The following TXNL4A variants were observed in gnomAD, a reference collection of about 807,000 sequenced individuals.
TXNL4A encodes thioredoxin-like protein 4A.
TXNL4A carries 17 observed loss-of-function variants against 14.6 expected under a neutral mutation model. The observed-to-expected ratio is 1.16, with a 90% CI of 0.80 to 1.74. The LOEUF (loss-of-function observed/expected upper bound fraction) is 1.74. Ranked by LOEUF, TXNL4A falls within the 40% of genes most tolerant of loss-of-function variation. The pLI is 0.00. For missense variants in TXNL4A, 74 were observed against 195.2 expected (o/e 0.38, Z 3.70); for synonymous variants, 83 against 70.6 (o/e 1.18, Z -0.88).
intron 1 of TXNL4A, among the ~76,000 whole-genome samples, chr18:80,023,448 A>G (rs1239435167): frequency 6.6e-6 from 1 of 152,172 alleles, no homozygotes; most frequent in Admixed American, 6.5e-5. Context: ...CTCTGACTCC[A>G]AATTCTTTCC....
chr18:79,988,960 T>A (rs753717963), upstream of TXNL4A, among the ~76,000 whole-genome samples: 2 of 152,202 alleles, frequency 1.3e-5, no homozygotes, highest in African/African-American at 4.8e-5. Flanking sequence ...TTCATGTGTG[T>A]CATTTGTGAA....
rs537294229 is a variant in TXNL4A at position 80,008,066 on chromosome 18, C to T, written c.-61+25785G>A. On this transcript the variant is annotated intron_variant, in intron 1 of 2. Coordinates refer to the TXNL4A transcript ENST00000585474. The stretch of plus-strand genomic sequence containing the variant: ...CTCAGAGGGGCTGAGACAGGAGGAT[C>T]GCTTGAACCCAGGAGGTCTGGGTTG... 3.3e-5 allele frequency among the ~76,000 whole-genome samples: 5 copies of T among 152,198 alleles called. No individual in the cohort carries two copies. In the East Asian group the frequency reaches 5.8e-4, roughly 18 times the overall value.
Position 79,983,292 on chromosome 18 carries a change from C to A in TXNL4A, c.153+4948G>T, listed in dbSNP as rs144016202. ...CTGGAATTACAGGTTTAAGCCACGG[C>A]GCTGGCCTCAAATTGTTTTTAAATT... On this transcript the variant is annotated intron_variant, in intron 1 of 2. Transcript: ENST00000269601. Among the ~76,000 whole-genome samples the A allele has an allele frequency of 1.4e-3, 219 of 152,340 alleles. 2 individuals carry two copies. The highest frequency in any genetic ancestry group is 1.6e-3 in the Non-Finnish European group (110 of 68,030).
chr18:80,026,156 T>G (rs533758150), intron 1 of TXNL4A, among the ~76,000 whole-genome samples: 82 of 152,330 alleles, frequency 5.4e-4, no homozygotes, highest in Non-Finnish European at 1.0e-3. Flanking sequence ...CATGATAAAC[T>G]GGGCCATAGC....
intron 1 of TXNL4A, chr18:79,995,154 C>T (rs2051652599): frequency 1.3e-5 from 2 of 152,180 alleles, no homozygotes; most frequent in Admixed American, 1.3e-4. Context: ...TGGGTTTGCT[C>T]AAGAGTTTGA....
intron 1 of TXNL4A, among the ~76,000 whole-genome samples, chr18:80,017,055 T>C (rs1279090259): frequency 6.7e-6 from 1 of 149,748 alleles, no homozygotes; most frequent in Non-Finnish European, 1.5e-5. Context: ...TGGTTTGTAG[T>C]TCTCCTTGAA....
At chr18:79,988,573 C>A (rs535093975), upstream of TXNL4A, 2 of 559,680 alleles carry the variant, frequency 3.6e-6, no homozygotes, top group South Asian at 7.3e-5. Flanking sequence ...TGGGCGCGCA[C>A]GCACCGACGC....
At chr18:79,987,316 T>C (rs2051566029) in intron 1 of TXNL4A, among the ~76,000 whole-genome samples, 1 of 152,252 alleles carries the variant, frequency 6.6e-6, no homozygotes, top group African/African-American at 2.4e-5. Context: ...TTTCCTTTCC[T>C]GAATATAAAA....
intron 1 of TXNL4A, among the ~76,000 whole-genome samples, chr18:80,020,964 T>G (rs1482831153): frequency 6.6e-6 from 1 of 152,168 alleles, no homozygotes; most frequent in Non-Finnish European, 1.5e-5. Flanking sequence ...CTTTATATCC[T>G]CTACCTGCTA....
At position 79,982,046 on chromosome 18, in the gene TXNL4A, G is replaced by T. The variant is rs1229097372; in HGVS notation, c.154-4345C>A. Among the ~76,000 whole-genome samples, 2 of 152,220 alleles carry T rather than the reference G, an allele frequency of 1.3e-5. No individual in the cohort carries two copies. The highest frequency in any genetic ancestry group is 4.8e-5 in the African/African-American group (2 of 41,456). On this transcript the variant is annotated intron_variant, in intron 1 of 2. Coordinates refer to ENST00000269601, the MANE Select transcript of TXNL4A (RefSeq NM_006701.5). This position sits in a 1 kb window ranked among gnomAD's most constrained non-coding sequence, Gnocchi z 4.0. The stretch of plus-strand genomic sequence containing the variant: ...GGCAGAGCTGAGATGCACTCTGTCT[G>T]GCTCCAAAGCCTGAACTCTGGATGA...
intron 1 of TXNL4A, among the ~76,000 whole-genome samples, chr18:80,010,690 A>G (rs759595638): frequency 1.3e-5 from 2 of 152,194 alleles, no homozygotes; most frequent in Non-Finnish European, 2.9e-5. Flanking sequence ...GGTTTGTGCA[A>G]GATTTTATCC....
At chr18:80,009,265 GA>G (rs1445220675) in intron 1 of TXNL4A, among the ~76,000 whole-genome samples, 2 of 152,220 alleles carry the variant, frequency 1.3e-5, no homozygotes, top group East Asian at 3.8e-4. Flanking sequence ...ATGGCAGGAG[GA>G]AAGTGCGGAC....
intron 1 of TXNL4A, among the ~76,000 whole-genome samples, chr18:80,010,322 G>A (rs11664924): frequency 0.28 from 43,273 of 151,914 alleles, 6,630 homozygotes; most frequent in Non-Finnish European, 0.35. Context: ...GGCTGTCTTC[G>A]AGAACACGTG....
At chr18:79,995,830 C>T (rs561466957) in intron 1 of TXNL4A, among the ~76,000 whole-genome samples, 5 of 152,238 alleles carry the variant, frequency 3.3e-5, no homozygotes, top group Admixed American at 1.3e-4. Flanking sequence ...CGGCCGGGCG[C>T]GGTGGCTCAC....
intron 1 of TXNL4A, among the ~76,000 whole-genome samples, chr18:79,983,465 A>G (rs2051494992): frequency 6.6e-6 from 1 of 152,210 alleles, no homozygotes; most frequent in Admixed American, 6.5e-5. Flanking sequence ...TTACAATGAC[A>G]TAACTCTGCA....
intron 2 of TXNL4A, 109 bp from the exon 3 acceptor site, chr18:79,973,965 C>G: frequency 1.4e-6 from 2 of 1,451,344 alleles, no homozygotes; most frequent in South Asian, 2.6e-5. Context: ...GTTAACATCA[C>G]TGAAGAACGC....
chr18:79,994,547 G>A (rs1479195167), intron 1 of TXNL4A, among the ~76,000 whole-genome samples: 2 of 149,312 alleles, frequency 1.3e-5, no homozygotes, highest in Middle Eastern at 3.4e-3. Flanking sequence ...ATCCTCCCAG[G>A]GGAAAGATCA....
intron 1 of TXNL4A, among the ~76,000 whole-genome samples, chr18:79,987,091 C>G (rs1041615713): frequency 1.3e-5 from 2 of 152,194 alleles, no homozygotes; most frequent in Non-Finnish European, 2.9e-5. Context: ...GAAGGTGGTT[C>G]AAGGTCAAGT....
intron 1 of TXNL4A, among the ~76,000 whole-genome samples, chr18:79,996,973 C>T (rs1475703354): frequency 6.6e-6 from 1 of 152,056 alleles, no homozygotes; most frequent in Non-Finnish European, 1.5e-5. Context: ...GACATTGCAC[C>T]ACAATTTAGT....
Sources: gnomAD v4.1 joint callset for allele counts (sites outside exome capture counted in the v4.1 genomes callset) on GRCh38, gnomAD v4.1.1 for gene constraint, Gnocchi (gnomAD v3.1) non-coding constraint, MANE v1.5 for transcripts, NCBI Gene and HGNC (gene_info 2026-07-23, HGNC 2026-07-21) for gene names.